Variants in KLF12 observed in about 807,000 individuals in gnomAD.
KLF12 encodes Krueppel-like factor 12.
A neutral mutation model predicts 37.8 loss-of-function variants in KLF12; 9 were observed. That is an observed-to-expected ratio of 0.24 (90% CI 0.14 to 0.42). The LOEUF is 0.42. KLF12 is among the 10% of genes least tolerant of loss of function. KLF12 has a pLI of 1.00. For synonymous variants in KLF12, 208 were observed against 202.1 expected (o/e 1.03, Z -0.25); for missense variants, 411 against 516.0 (o/e 0.80, Z 1.97).
At chr13:73,719,838 G>A (rs1388539444) in intron 6 of KLF12, among the ~76,000 whole-genome samples, 1 of 152,058 alleles carries the variant, frequency 6.6e-6, no homozygotes, top group Non-Finnish European at 1.5e-5. Context: ...CTGGCTTCAC[G>A]TGATCCTGCC....
intron 2 of KLF12, among the ~76,000 whole-genome samples, chr13:73,960,935 T>C (rs1246143728): frequency 2.6e-5 from 4 of 152,120 alleles, no homozygotes; most frequent in African/African-American, 7.2e-5. Context: ...CCAAATACTT[T>C]AATTTTATTT....
intron 1 of KLF12, among the ~76,000 whole-genome samples, chr13:74,103,718 A>G (rs1490213640): frequency 6.6e-6 from 1 of 152,194 alleles, no homozygotes; most frequent in Non-Finnish European, 1.5e-5. Context: ...TAAAAAGACA[A>G]CTTCCAGGTC....
Position 73,691,126 on chromosome 13 carries a change from C to A in KLF12, c.*4364G>T, listed in dbSNP as rs1873798159. ...TAGACAGCACGGATTATTACAAATTCTTTTTAAAAAAGTTCTTTGCTGATA... is the reference window on the plus strand; with the variant it reads ...TAGACAGCACGGATTATTACAAATTATTTTTAAAAAAGTTCTTTGCTGATA... On this transcript the variant is annotated 3_prime_UTR_variant, in exon 8 of 8. Coordinates refer to ENST00000377669, the MANE Select transcript of KLF12 (RefSeq NM_007249.5). The A allele has an allele frequency of 6.6e-6, 1 of 152,606 alleles. No homozygotes were observed. The highest frequency in any genetic ancestry group is 2.4e-5 in the African/African-American group (1 of 41,448). The allele number at this position is 152,606 out of a possible 1,614,324, so 9.5% of individuals were successfully genotyped here. A position where few individuals can be genotyped will look rare whatever the true frequency, so the allele number is the denominator to read the frequency against.
intron 1 of KLF12, among the ~76,000 whole-genome samples, chr13:74,042,917 C>A (rs542694085): frequency 6.6e-6 from 1 of 152,084 alleles, no homozygotes; most frequent in South Asian, 2.1e-4. Flanking sequence ...GGAGACACAG[C>A]AAAGTAGGAA....
chr13:74,083,773 T>G (rs1875081891), intron 1 of KLF12, among the ~76,000 whole-genome samples: 1 of 152,192 alleles, frequency 6.6e-6, no homozygotes, highest in Non-Finnish European at 1.5e-5. Context: ...AATACTGATA[T>G]TAAAAGGTAA....
At chr13:73,913,696 CAGAA>C (rs1888681318) in intron 3 of KLF12, among the ~76,000 whole-genome samples, 1 of 152,102 alleles carries the variant, frequency 6.6e-6, no homozygotes, top group South Asian at 2.1e-4. Flanking sequence ...GGCAAAAAGA[CAGAA>C]ACCTTTTAAT....
At chr13:73,895,104 G>A (rs1205315849) in intron 3 of KLF12, among the ~76,000 whole-genome samples, 1 of 152,114 alleles carries the variant, frequency 6.6e-6, no homozygotes, top group Non-Finnish European at 1.5e-5. Context: ...AATCTGACTT[G>A]AATCTGTGGT....
intron 5 of KLF12, among the ~76,000 whole-genome samples, chr13:73,792,024 T>C (rs1348715173): frequency 6.6e-6 from 1 of 152,208 alleles, no homozygotes; most frequent in Non-Finnish European, 1.5e-5. Flanking sequence ...AGTTCCTATG[T>C]TTATATACAT....
chr13:74,173,863 T>G, the KLF12 span, among the ~76,000 whole-genome samples: 1 of 152,220 alleles, frequency 6.6e-6, no homozygotes, highest in South Asian at 2.1e-4. Context: ...GGTGGGAGTT[T>G]AGGAGCTCAG....
intron 5 of KLF12, among the ~76,000 whole-genome samples, chr13:73,811,910 C>A (rs1882959576): frequency 6.6e-6 from 1 of 152,156 alleles, no homozygotes; most frequent in Admixed American, 6.5e-5. Context: ...TTCTGAAATG[C>A]AATACCAAGG....
intron 1 of KLF12, among the ~76,000 whole-genome samples, chr13:74,058,539 G>C (rs1266356701): frequency 1.3e-5 from 2 of 151,012 alleles, no homozygotes; most frequent in Non-Finnish European, 3.0e-5. Context: ...TGTATTTTTA[G>C]TAGAGATGGG....
At chr13:73,864,488 A>G (rs1566425473) in intron 3 of KLF12, among the ~76,000 whole-genome samples, 1 of 152,122 alleles carries the variant, frequency 6.6e-6, no homozygotes, top group Non-Finnish European at 1.5e-5. Context: ...ATACACAACA[A>G]TTATATCAGA....
At chr13:73,868,637 C>T (rs960992962) in intron 3 of KLF12, among the ~76,000 whole-genome samples, 1 of 152,062 alleles carries the variant, frequency 6.6e-6, no homozygotes, top group African/African-American at 2.4e-5. Context: ...ATGATTTGCC[C>T]ACCTTGGCCT....
At chr13:73,983,449 T>C (rs949182014) in intron 2 of KLF12, among the ~76,000 whole-genome samples, 4 of 152,168 alleles carry the variant, frequency 2.6e-5, no homozygotes, top group Non-Finnish European at 5.9e-5. Context: ...CATTCCTGCT[T>C]ATCGGGTGTT....
intron 1 of KLF12, among the ~76,000 whole-genome samples, chr13:74,092,767 T>C (rs1875750930): frequency 6.6e-6 from 1 of 152,044 alleles, no homozygotes; most frequent in African/African-American, 2.4e-5. Context: ...ACAAACCCAA[T>C]GAAAAAATGG....
At chr13:73,784,993 T>G (rs547161921) in intron 5 of KLF12, among the ~76,000 whole-genome samples, 2 of 152,228 alleles carry the variant, frequency 1.3e-5, no homozygotes, top group Non-Finnish European at 2.9e-5. Flanking sequence ...CAGACATTCA[T>G]GAAGGTACAT....
intron 3 of KLF12, among the ~76,000 whole-genome samples, chr13:73,934,482 A>G (rs1457993321): frequency 6.6e-6 from 1 of 152,132 alleles, no homozygotes; most frequent in Non-Finnish European, 1.5e-5. Context: ...ATTGACCCAT[A>G]TGTTTACCAT....
chr13:73,786,677 G>T (rs1881366902), intron 5 of KLF12, among the ~76,000 whole-genome samples: 2 of 149,336 alleles, frequency 1.3e-5, no homozygotes, highest in South Asian at 4.2e-4. Flanking sequence ...GAGCCCAGGA[G>T]TTCAAGACCA....
chr13:73,988,444 T>A (rs540758052), intron 2 of KLF12, among the ~76,000 whole-genome samples: 5 of 152,222 alleles, frequency 3.3e-5, no homozygotes, highest in African/African-American at 1.2e-4. Flanking sequence ...ACAATTTGTC[T>A]TTCTAGCCCA....
Sources: gnomAD v4.1 joint callset for allele counts (sites outside exome capture counted in the v4.1 genomes callset) on GRCh38, gnomAD v4.1.1 for gene constraint, MANE v1.5 for transcripts, NCBI Gene and HGNC (gene_info 2026-07-23, HGNC 2026-07-21) for gene names.